The following DTNA variants were observed in gnomAD, a reference collection of about 807,000 sequenced individuals.
DTNA encodes the protein dystrophin-related protein 3.
Under a neutral mutation model 100.7 loss-of-function variants are expected in DTNA, and 43 were observed. The observed-to-expected ratio is 0.43, with a 90% CI of 0.33 to 0.55. The LOEUF is 0.55. Among genes scored for constraint, DTNA ranks in the 20% least tolerant of loss-of-function variants. DTNA has a pLI of 0.04. For synonymous variants in DTNA, 349 were observed against 347.9 expected, an observed-to-expected ratio of 1.00 and a Z score of -0.04; for missense variants, 798 against 953.9, an observed-to-expected ratio of 0.84 and a Z score of 2.15.
rs574675193 is a variant in DTNA at position 34,503,529 on chromosome 18, C to A, written c.-2+10015C>A. 3.9e-3 allele frequency among the ~76,000 whole-genome samples: 597 copies of A among 152,080 alleles called. 4 individuals carry two copies. The highest frequency in any genetic ancestry group is 0.014 in the African/African-American group (562 of 41,498). On this transcript the variant is annotated intron_variant, in intron 1 of 19. Transcript: ENST00000283365. Reference sequence around the variant, plus strand: ...TCGATCTCCCGACCTCGTGATCTGCCCACCTCAGCCTCCCAAAGCGCTGGG... The same window carrying A: ...TCGATCTCCCGACCTCGTGATCTGCACACCTCAGCCTCCCAAAGCGCTGGG...
At position 34,809,329 on chromosome 18, in the gene DTNA, T is replaced by A. The variant is rs191290629; in HGVS notation, c.449-2630T>A. 2.6e-5 allele frequency among the ~76,000 whole-genome samples: 4 copies of A among 152,250 alleles called. No individual in the cohort carries two copies. In the East Asian group the frequency reaches 7.7e-4, roughly 29 times the overall value. On this transcript the variant is annotated intron_variant, in intron 5 of 22. Coordinates refer to ENST00000444659, the MANE Select transcript of DTNA (RefSeq NM_001386795.1). ...TAAGGTAGCCAGGCATGGTGGCACA[T>A]GCCTTTAGTCCCAGCTACCCAGAAG...
In DTNA at chr18:34,686,439, G is replaced by A. The variant is rs530582514; in HGVS notation, c.-1-69537G>A. On this transcript the variant is annotated intron_variant, in intron 1 of 19. Coordinates refer to the DTNA transcript ENST00000283365. ...TGGTTCTGTTTATGTGATGGACTACGTTTATTGATTTGTGTATGTTGAACC... is the reference window on the plus strand; with the variant it reads ...TGGTTCTGTTTATGTGATGGACTACATTTATTGATTTGTGTATGTTGAACC... Among the ~76,000 whole-genome samples, 455 of 152,202 alleles carry A rather than the reference G, an allele frequency of 3.0e-3. 2 individuals are homozygous for A. The highest frequency in any genetic ancestry group is 0.01 in the African/African-American group (423 of 41,536).
rs768994511 is a variant in DTNA at position 34,889,684 on chromosome 18, TG to T, written c.*1954del. ...CCCTTTGAAACCAAATCACTTGCCT[TG>T]GGGATAAAGTGCTCAATTGGCATTA... On this transcript the variant is annotated 3_prime_UTR_variant, in exon 23 of 23. Coordinates refer to ENST00000444659, the MANE Select transcript of DTNA (RefSeq NM_001386795.1). 96 of 985,750 alleles carry T rather than the reference TG, an allele frequency of 9.7e-5. No individual in the cohort carries two copies. The highest frequency in any genetic ancestry group is 1.1e-4 in the Non-Finnish European group (94 of 830,000). The allele number at this position is 985,750 out of a possible 1,614,324, so 61.1% of individuals were successfully genotyped here.
chr18:34,652,641 T>C (rs957486060), intron 1 of DTNA, among the ~76,000 whole-genome samples: 6 of 152,210 alleles, frequency 3.9e-5, no homozygotes, highest in African/African-American at 1.4e-4. Flanking sequence ...AGCACTAGTT[T>C]AAATGACACT....
In DTNA at chr18:34,863,952, T is replaced by G. The variant is rs2096662407; in HGVS notation, c.1647-14T>G. ...GTTGCATGCCGCTTCTGATGTCAGC[T>G]GCTTCTTTCTTAGACAGCGCAAAGA... On this transcript the variant is annotated splice_polypyrimidine_tract_variant and intron_variant, in intron 16 of 22. Transcript: ENST00000444659. 6.2e-7 allele frequency: 1 copy of G among 1,603,268 alleles called. No homozygotes were observed. The highest frequency in any genetic ancestry group is 1.3e-5 in the African/African-American group (1 of 74,766).
At chr18:34,874,348 C>T (rs929278450) in intron 17 of DTNA, among the ~76,000 whole-genome samples, 2 of 152,174 alleles carry the variant, frequency 1.3e-5, no homozygotes, top group Admixed American at 6.5e-5. Flanking sequence ...CATTTTCTTA[C>T]GCATGTGGCT....
intron 15 of DTNA, among the ~76,000 whole-genome samples, chr18:34,856,092 A>T (rs1255092888): frequency 6.6e-6 from 1 of 152,078 alleles, no homozygotes; most frequent in Non-Finnish European, 1.5e-5. Flanking sequence ...ACTAGAGAGG[A>T]AAAAAGAAAT....
At chr18:34,561,849 T>C (rs1459012357) in intron 1 of DTNA, among the ~76,000 whole-genome samples, 1 of 152,206 alleles carries the variant, frequency 6.6e-6, no homozygotes, top group African/African-American at 2.4e-5. Context: ...TGATTTTTAT[T>C]GATTTAGTAA....
intron 1 of DTNA, among the ~76,000 whole-genome samples, chr18:34,627,217 T>C (rs897712621): frequency 2.0e-5 from 3 of 152,144 alleles, no homozygotes; most frequent in African/African-American, 7.2e-5. Context: ...TTAAGTGACT[T>C]GATCTTTTTT....
chr18:34,599,311 G>T (rs1372394434), intron 1 of DTNA, among the ~76,000 whole-genome samples: 1 of 152,104 alleles, frequency 6.6e-6, no homozygotes, highest in Non-Finnish European at 1.5e-5. Context: ...TATGATATTG[G>T]CCTTTCTTTT....
At chr18:34,669,795 C>A (rs560990173) in intron 1 of DTNA, among the ~76,000 whole-genome samples, 5 of 152,162 alleles carry the variant, frequency 3.3e-5, no homozygotes, top group African/African-American at 7.2e-5. Context: ...CAGAGAGATC[C>A]GCTGTTAGTC....
At chr18:34,755,883 G>A (rs1427964615) in intron 1 of DTNA, 93 bp from the exon 2 acceptor site, 8 of 1,085,940 alleles carry the variant, frequency 7.4e-6, no homozygotes, top group South Asian at 6.6e-5. Flanking sequence ...CTATGTGTTT[G>A]TGTCACAAGT....
intron 1 of DTNA, among the ~76,000 whole-genome samples, chr18:34,608,629 T>G (rs929415163): frequency 5.4e-4 from 82 of 152,042 alleles, no homozygotes; most frequent in African/African-American, 1.8e-3. Flanking sequence ...CAAGAGCAGA[T>G]TCAGAATTCT....
At chr18:34,829,374 G>T (rs1170952532) in intron 10 of DTNA, 26 bp from the exon 11 acceptor site, 1 of 1,534,946 alleles carries the variant, frequency 6.5e-7, no homozygotes, top group Non-Finnish European at 8.7e-7. Flanking sequence ...AAGTTTTAAT[G>T]AGGTCTCATT....
At chr18:34,693,849 G>A (rs900986351) in intron 1 of DTNA, among the ~76,000 whole-genome samples, 2 of 151,620 alleles carry the variant, frequency 1.3e-5, no homozygotes, top group African/African-American at 4.8e-5. Flanking sequence ...CCCAGGCAAT[G>A]GCAGATATAA....
In DTNA at chr18:34,806,206, T is replaced by C; in HGVS notation, c.363-13T>C. 6.2e-7 allele frequency: 1 copy of C among 1,612,778 alleles called. No individual in the cohort carries two copies. Among genetic ancestry groups the C allele is most frequent in the Admixed American group, 1.7e-5 (1 of 59,980 alleles). ...GTTTTTGTTTTTGTTTTTTTTCTATTACCATTAAACAGGGAAGGCCATGGT... is the reference window on the plus strand; with the variant it reads ...GTTTTTGTTTTTGTTTTTTTTCTATCACCATTAAACAGGGAAGGCCATGGT... On this transcript the variant is annotated splice_polypyrimidine_tract_variant and intron_variant, in intron 4 of 22. Transcript: ENST00000444659.
chr18:34,840,993 TAGTA>T (rs1182460871), intron 13 of DTNA, among the ~76,000 whole-genome samples: 3 of 152,088 alleles, frequency 2.0e-5, no homozygotes, highest in African/African-American at 7.2e-5. Flanking sequence ...CATATAATAA[TAGTA>T]ATAATAATAG....
At chr18:34,621,351 T>C (rs138658829) in intron 1 of DTNA, among the ~76,000 whole-genome samples, 8 of 152,088 alleles carry the variant, frequency 5.3e-5, no homozygotes, top group South Asian at 4.1e-4. Context: ...AATGCTTTCT[T>C]AATAAATAGA....
intron 5 of DTNA, among the ~76,000 whole-genome samples, chr18:34,810,339 G>C (rs2095458486): frequency 6.6e-6 from 1 of 151,992 alleles, no homozygotes. Context: ...AAACTCCTCA[G>C]TACAATTCAG....
Sources: gnomAD v4.1 joint callset for allele counts (sites outside exome capture counted in the v4.1 genomes callset) on GRCh38, gnomAD v4.1.1 for gene constraint, MANE v1.5 for transcripts, NCBI Gene and HGNC (gene_info 2026-07-23, HGNC 2026-07-21) for gene names.